BTBD9: variants seen among roughly 807,000 people sequenced by gnomAD.
The protein encoded by BTBD9 is BTB/POZ domain-containing protein 9.
A neutral mutation model predicts 64.3 loss-of-function variants in BTBD9; 49 were observed. That is an observed-to-expected ratio of 0.76 (90% confidence interval 0.61 to 0.97). BTBD9 has a LOEUF of 0.97. Among genes scored for constraint, BTBD9 ranks in the 50% least tolerant of loss-of-function variants. The pLI is 0.00. For synonymous variants in BTBD9, 260 were observed against 274.7 expected (o/e 0.95, Z 0.53); for missense variants, 598 against 762.1 (o/e 0.78, Z 2.53).
intron 6 of BTBD9, among the ~76,000 whole-genome samples, chr6:38,374,376 C>T (rs992060619): frequency 1.6e-5 from 2 of 128,592 alleles, no homozygotes; most frequent in South Asian, 5.0e-4. Flanking sequence ...GAGACAGCAC[C>T]GAAAAGTTAC....
At chr6:38,211,221 A>G (rs1762822591) in intron 9 of BTBD9, among the ~76,000 whole-genome samples, 1 of 152,022 alleles carries the variant, frequency 6.6e-6, no homozygotes, top group African/African-American at 2.4e-5. Flanking sequence ...CGAGGTCAGG[A>G]GATCGAGACC....
chr6:38,266,658 GAA>G (rs1369363372), intron 8 of BTBD9, among the ~76,000 whole-genome samples: 7 of 102,874 alleles, frequency 6.8e-5, no homozygotes, highest in African/African-American at 9.0e-5. Flanking sequence ...AAGAAAGAAA[GAA>G]AGAAAGAAAG....
intron 6 of BTBD9, among the ~76,000 whole-genome samples, chr6:38,387,459 C>A (rs1766228016): frequency 6.6e-6 from 1 of 152,128 alleles, no homozygotes; most frequent in Admixed American, 6.5e-5. Flanking sequence ...ATTGCTTGAG[C>A]CTGGGAGGCA....
At chr6:38,541,064 G>A (rs779660731) in intron 6 of BTBD9, among the ~76,000 whole-genome samples, 4 of 152,120 alleles carry the variant, frequency 2.6e-5, no homozygotes, top group African/African-American at 7.2e-5. Flanking sequence ...AATGCTGGAC[G>A]CAGATGCAAT....
intron 6 of BTBD9, among the ~76,000 whole-genome samples, chr6:38,386,517 G>C (rs1766175552): frequency 1.3e-5 from 2 of 151,830 alleles, no homozygotes; most frequent in Non-Finnish European, 2.9e-5. Flanking sequence ...CAGGTGCTGA[G>C]TGCTCAGAAT....
At chr6:38,372,287 C>T (rs545917390) in intron 6 of BTBD9, among the ~76,000 whole-genome samples, 57 of 152,306 alleles carry the variant, frequency 3.7e-4, no homozygotes, top group African/African-American at 1.3e-3. Flanking sequence ...CTAGTTTATT[C>T]TCTTGCCATG....
At chr6:38,522,021 C>T (rs1267574819) in intron 6 of BTBD9, among the ~76,000 whole-genome samples, 3 of 152,108 alleles carry the variant, frequency 2.0e-5, no homozygotes, top group Non-Finnish European at 4.4e-5. Context: ...TAGCCTATTC[C>T]CTCTTTTCAG....
intron 6 of BTBD9, among the ~76,000 whole-genome samples, chr6:38,419,633 G>A: frequency 6.6e-6 from 1 of 152,130 alleles, no homozygotes; most frequent in East Asian, 1.9e-4. Flanking sequence ...CACTTTGGGA[G>A]GCCGAGGCGG....
intron 6 of BTBD9, among the ~76,000 whole-genome samples, chr6:38,384,752 G>GT (rs1267293359): frequency 1.3e-5 from 2 of 152,104 alleles, no homozygotes; most frequent in African/African-American, 4.8e-5. Flanking sequence ...CATTCCCAGG[G>GT]TAAAAGGCCT....
intron 10 of BTBD9, among the ~76,000 whole-genome samples, chr6:38,183,223 C>T (rs949123041): frequency 8.5e-5 from 13 of 152,168 alleles, no homozygotes; most frequent in Admixed American, 2.6e-4. Context: ...GTGATCTGCC[C>T]GCCTCGGCCT....
At chr6:38,295,152 T>A (rs1474900162) in intron 7 of BTBD9, among the ~76,000 whole-genome samples, 1 of 152,112 alleles carries the variant, frequency 6.6e-6, no homozygotes, top group African/African-American at 2.4e-5. Context: ...TTTTCCCTTT[T>A]CAAAAAAATT....
intron 9 of BTBD9, among the ~76,000 whole-genome samples, chr6:38,212,486 C>T (rs557671056): frequency 1.3e-5 from 2 of 152,300 alleles, no homozygotes; most frequent in Admixed American, 6.5e-5. Flanking sequence ...AAAGTTGTTC[C>T]TACTTTTGAC....
chr6:38,275,171 C>T (rs1396450839), intron 8 of BTBD9, among the ~76,000 whole-genome samples: 2 of 152,112 alleles, frequency 1.3e-5, no homozygotes, highest in Non-Finnish European at 2.9e-5. Context: ...TGGAACAGAA[C>T]AGAGCCCTCA....
rs545369643 is a variant in BTBD9 at position 38,628,634 on chromosome 6, T to C, written c.-28+11166A>G. 1.3e-4 allele frequency among the ~76,000 whole-genome samples: 20 copies of C among 152,224 alleles called. No homozygotes were observed. In the South Asian group the frequency reaches 4.1e-3, roughly 32 times the overall value. ...TGGTTAATATAGATATACAAAAATA[T>C]AGAAATGTGTGGAATACACATACAT... On this transcript the variant is annotated intron_variant, in intron 1 of 10. Transcript: ENST00000481247.
At chr6:38,376,268 T>C (rs1765694259) in intron 6 of BTBD9, among the ~76,000 whole-genome samples, 1 of 152,144 alleles carries the variant, frequency 6.6e-6, no homozygotes, top group South Asian at 2.1e-4. Flanking sequence ...CACAGACAAG[T>C]GGACTAAGGG....
intron 6 of BTBD9, among the ~76,000 whole-genome samples, chr6:38,435,433 A>T (rs1768669964): frequency 6.6e-6 from 1 of 151,768 alleles, no homozygotes; most frequent in Non-Finnish European, 1.5e-5. Context: ...TGGGAGGCAC[A>T]GGTTGCAGTG....
chr6:38,234,756 A>G (rs1322453900), intron 9 of BTBD9, among the ~76,000 whole-genome samples: 1 of 152,222 alleles, frequency 6.6e-6, no homozygotes, highest in African/African-American at 2.4e-5. Context: ...CGGCAGAACC[A>G]TGGCTAAGAG....
intron 4 of BTBD9, chr6:38,588,241 C>T: frequency 9.1e-7 from 1 of 1,093,004 alleles, no homozygotes; most frequent in South Asian, 1.2e-5. Flanking sequence ...GCACCAGCTC[C>T]TGCCTTTTTG....
At chr6:38,222,940 C>T (rs1763266033) in intron 9 of BTBD9, among the ~76,000 whole-genome samples, 2 of 152,106 alleles carry the variant, frequency 1.3e-5, no homozygotes, top group South Asian at 4.2e-4. Context: ...GAGTTTTGTT[C>T]TTGTTGCCCA....
Sources: gnomAD v4.1 joint callset for allele counts (sites outside exome capture counted in the v4.1 genomes callset) on GRCh38, gnomAD v4.1.1 for gene constraint, MANE v1.5 for transcripts, NCBI Gene and HGNC (gene_info 2026-07-23, HGNC 2026-07-21) for gene names.